Variants in PLXNA4 observed in about 807,000 individuals in gnomAD.
PLXNA4 encodes the protein plexin A4.
PLXNA4 carries 44 observed loss-of-function variants against 191.8 expected under a neutral mutation model. The ratio of observed to expected loss-of-function variants is 0.23; its 90% CI spans 0.18 to 0.29. PLXNA4 has a LOEUF of 0.29. Among genes scored for constraint, PLXNA4 ranks in the 10% least tolerant of loss-of-function variants. The probability of loss-of-function intolerance (pLI) is 1.00; values close to 1 mark genes in which losing one functional copy is unlikely to be tolerated. For synonymous variants in PLXNA4, 1,082 were observed against 1,009.5 expected (o/e 1.07, Z -1.36); for missense variants, 1,800 against 2,488.8 (o/e 0.72, Z 5.89).
At chr7:132,175,973 T>C (rs1186031269) in intron 20 of PLXNA4, among the ~76,000 whole-genome samples, 1 of 152,200 alleles carries the variant, frequency 6.6e-6, no homozygotes, top group Non-Finnish European at 1.5e-5. Context: ...ACAAGCCCAA[T>C]GTGGCTCTAG....
chr7:132,384,929 A>G, intron 3 of PLXNA4: 1 of 1,287,586 alleles, frequency 7.8e-7, no homozygotes, highest in Non-Finnish European at 9.9e-7. Context: ...ACACCACAAG[A>G]GTCAAACATG....
At chr7:132,453,455 C>T (rs1257811630) in intron 3 of PLXNA4, among the ~76,000 whole-genome samples, 1 of 152,136 alleles carries the variant, frequency 6.6e-6, no homozygotes, top group African/African-American at 2.4e-5. Flanking sequence ...AACAAGCTCC[C>T]CAGGTGATCC....
At chr7:132,246,093 T>C (rs574890651) in intron 4 of PLXNA4, among the ~76,000 whole-genome samples, 1 of 152,356 alleles carries the variant, frequency 6.6e-6, no homozygotes, top group African/African-American at 2.4e-5. Flanking sequence ...TTTATGTGTA[T>C]TTTACCACAA....
intron 1 of PLXNA4, among the ~76,000 whole-genome samples, chr7:132,533,678 G>A (rs768108067): frequency 3.3e-5 from 5 of 152,188 alleles, no homozygotes; most frequent in Non-Finnish European, 7.3e-5. Flanking sequence ...AGTGGAAGCC[G>A]GGCTTCTTGA....
chr7:132,639,167 T>C (rs987930012), intron 2 of PLXNA4, among the ~76,000 whole-genome samples: 1 of 152,208 alleles, frequency 6.6e-6, no homozygotes, highest in Non-Finnish European at 1.5e-5. Context: ...AGCTTCTCTG[T>C]CTGAGATTCA....
At chr7:132,151,543 GAAA>G (rs1795638506) in intron 25 of PLXNA4, among the ~76,000 whole-genome samples, 1 of 98,270 alleles carries the variant, frequency 1.0e-5, no homozygotes, top group African/African-American at 4.1e-5. Context: ...AGGAGGAGGA[GAAA>G]GGAGGAGGAG....
intron 2 of PLXNA4, among the ~76,000 whole-genome samples, chr7:132,584,940 A>G (rs887137379): frequency 1.3e-5 from 2 of 152,018 alleles, no homozygotes; most frequent in Non-Finnish European, 2.9e-5. Flanking sequence ...CCCCATCTGT[A>G]TCATATTCGA....
chr7:132,506,188 C>T (rs1270032385), intron 2 of PLXNA4, among the ~76,000 whole-genome samples: 1 of 152,164 alleles, frequency 6.6e-6, no homozygotes, highest in East Asian at 1.9e-4. Flanking sequence ...TCTTTCTCCT[C>T]CCTCTTCCCT....
chr7:132,365,557 G>A (rs951108659), intron 3 of PLXNA4, among the ~76,000 whole-genome samples: 3 of 152,074 alleles, frequency 2.0e-5, no homozygotes, highest in African/African-American at 4.8e-5. Context: ...CCATCATTCC[G>A]GAACTGTGGC....
intron 4 of PLXNA4, among the ~76,000 whole-genome samples, chr7:132,280,645 A>G (rs1023044008): frequency 2.0e-5 from 3 of 152,192 alleles, no homozygotes; most frequent in African/African-American, 7.2e-5. Flanking sequence ...GGCATTGGGT[A>G]AATTACCAAG....
intron 3 of PLXNA4, among the ~76,000 whole-genome samples, chr7:132,307,756 C>A (rs144345806): frequency 2.8e-4 from 43 of 152,140 alleles, no homozygotes; most frequent in Middle Eastern, 3.4e-3. Flanking sequence ...CTTCTGTGTT[C>A]ATGCTGCTTA....
chr7:132,178,948 C>G (rs1425892986), intron 20 of PLXNA4, among the ~76,000 whole-genome samples: 1 of 147,398 alleles, frequency 6.8e-6, no homozygotes, highest in Non-Finnish European at 1.5e-5. Flanking sequence ...CACACGTGCA[C>G]ACACACACAG....
At chr7:132,161,720 C>T (rs543594902) in intron 24 of PLXNA4, among the ~76,000 whole-genome samples, 1 of 150,628 alleles carries the variant, frequency 6.6e-6, no homozygotes, top group Non-Finnish European at 1.5e-5. Context: ...CGGGCGGGCA[C>T]CTAGCGCTCT....
In PLXNA4 at chr7:132,592,804, G is replaced by T. The variant is rs187738067; in HGVS notation, c.-87+53124C>A. Among the ~76,000 whole-genome samples the T allele has an allele frequency of 3.5e-3, 526 of 150,964 alleles. 4 individuals carry two copies. The highest frequency in any genetic ancestry group is 0.012 in the African/African-American group (512 of 41,142). On this transcript the variant is annotated intron_variant, in intron 2 of 4. Transcript: ENST00000378539. ...ACAGAAAGATAAATACCAAAGCAAG[G>T]CTAAGGCAGTTAATCAAAAATAAAC...
chr7:132,348,264 T>C (rs1336066510), intron 3 of PLXNA4, among the ~76,000 whole-genome samples: 1 of 152,154 alleles, frequency 6.6e-6, no homozygotes, highest in East Asian at 1.9e-4. Flanking sequence ...AACAATCTTT[T>C]CCAATCTTCT....
At chr7:132,551,301 A>G (rs1044714266) in intron 1 of PLXNA4, among the ~76,000 whole-genome samples, 1 of 152,186 alleles carries the variant, frequency 6.6e-6, no homozygotes, top group African/African-American at 2.4e-5. Flanking sequence ...AGGATGGTGG[A>G]GCCACAACAT....
Position 132,341,846 on chromosome 7 carries a change from G to A in PLXNA4, c.1372-43624C>T, listed in dbSNP as rs141789429. The stretch of plus-strand genomic sequence containing the variant: ...TTTACTGAATGACAGTTACATAAGT[G>A]TAAACCACATAGATTTCATATGCAA... On this transcript the variant is annotated intron_variant, in intron 3 of 31. Coordinates refer to ENST00000321063, the MANE Select transcript of PLXNA4 (RefSeq NM_020911.2). 3.6e-3 allele frequency among the ~76,000 whole-genome samples: 552 copies of A among 152,244 alleles called. 5 individuals carry two copies. The highest frequency in any genetic ancestry group is 0.013 in the African/African-American group (524 of 41,534).
rs151121557 is a variant in PLXNA4 at position 132,508,223 on chromosome 7, C to T, written c.471G>A (p.Glu157=). Residue 157 remains glutamate, a synonymous_variant, in exon 2 of 32, where the codon GAG becomes GAA. Coordinates refer to ENST00000321063, the MANE Select transcript of PLXNA4 (RefSeq NM_020911.2). The surrounding 1 kb of genome is among the most constrained non-coding windows in gnomAD (Gnocchi z 4.4). ...FKLGEPYHKK[E]HYLSGVNESG... ...TCTCGTTGACACCTGACAGATAGTGCTCCTTCTTATGATAAGGCTCCCCCA... is the reference window on the plus strand; with the variant it reads ...TCTCGTTGACACCTGACAGATAGTGTTCCTTCTTATGATAAGGCTCCCCCA... 7,509 of 1,614,212 alleles carry T rather than the reference C, an allele frequency of 4.7e-3. 35 individuals are homozygous for T. The highest frequency in any genetic ancestry group is 0.027 in the Middle Eastern group (162 of 6,062).
intron 14 of PLXNA4, among the ~76,000 whole-genome samples, chr7:132,191,749 C>T (rs998338566): frequency 7.3e-5 from 9 of 124,046 alleles, no homozygotes; most frequent in East Asian, 5.0e-4. Context: ...AAATACCTGG[C>T]GAATGTCATC....
Sources: allele counts gnomAD v4.1 joint callset (sites outside exome capture counted in the v4.1 genomes callset), GRCh38; gene constraint gnomAD v4.1.1; non-coding constraint Gnocchi (gnomAD v3.1); transcripts MANE v1.5; gene names NCBI Gene and HGNC (gene_info 2026-07-23, HGNC 2026-07-21).